The following EXOC2 variants were observed in gnomAD, a reference collection of about 807,000 sequenced individuals.
EXOC2 encodes exocyst complex component 2.
EXOC2 carries 70 observed loss-of-function variants against 131.8 expected under a neutral mutation model. The observed-to-expected ratio is 0.53, with a 90% CI of 0.44 to 0.65. The LOEUF is 0.65. Ranked by LOEUF, EXOC2 falls within the 30% of genes least tolerant of loss-of-function variation. EXOC2 has a pLI of 0.00. For missense variants in EXOC2, 923 were observed against 1,108.6 expected, an observed-to-expected ratio of 0.83 and a Z score of 2.38; for synonymous variants, 411 against 398.4, an observed-to-expected ratio of 1.03 and a Z score of -0.38.
intron 1 of EXOC2, among the ~76,000 whole-genome samples, chr6:641,396 G>A (rs143532784): frequency 4.0e-4 from 61 of 152,044 alleles, no homozygotes; most frequent in African/African-American, 1.3e-3. Context: ...CTCAAACCAC[G>A]CCCTAGTATA....
At chr6:536,045 G>T (rs1430340435) in intron 22 of EXOC2, among the ~76,000 whole-genome samples, 1 of 152,090 alleles carries the variant, frequency 6.6e-6, no homozygotes, top group African/African-American at 2.4e-5. Flanking sequence ...AAGAAAATCA[G>T]CTGTGTAAAG....
intron 19 of EXOC2, among the ~76,000 whole-genome samples, chr6:555,506 T>G (rs1581429294): frequency 6.6e-6 from 1 of 152,176 alleles, no homozygotes; most frequent in African/African-American, 2.4e-5. Context: ...AATAGACAAT[T>G]AGAAGTGCCT....
chr6:568,923 T>A (rs937591040), intron 13 of EXOC2, among the ~76,000 whole-genome samples: 3 of 152,236 alleles, frequency 2.0e-5, no homozygotes, highest in South Asian at 4.1e-4. Flanking sequence ...AGTAATTTTG[T>A]AAAATTCAAG....
intron 11 of EXOC2, among the ~76,000 whole-genome samples, chr6:583,270 A>G (rs1011409564): frequency 6.6e-6 from 1 of 152,200 alleles, no homozygotes; most frequent in Admixed American, 6.5e-5. Flanking sequence ...TTCATCATCA[A>G]AATTTTTTTT....
At chr6:508,563 T>C (rs1344773442) in intron 23 of EXOC2, among the ~76,000 whole-genome samples, 1 of 152,268 alleles carries the variant, frequency 6.6e-6, no homozygotes, top group East Asian at 1.9e-4. Context: ...TTTCAGTTTA[T>C]CTTATTTCAC....
chr6:659,997 G>A (rs981691758), intron 1 of EXOC2, among the ~76,000 whole-genome samples: 1 of 150,202 alleles, frequency 6.7e-6, no homozygotes, highest in African/African-American at 2.5e-5. Flanking sequence ...AGGGCTGTTG[G>A]GGGGGGGACA....
chr6:610,026 C>T, intron 7 of EXOC2, 72 bp downstream of exon 7: 2 of 1,350,366 alleles, frequency 1.5e-6, no homozygotes, highest in Non-Finnish European at 2.1e-6. Context: ...CCCGCGATAT[C>T]AGGTCCAAGA....
At chr6:606,155 A>G in intron 7 of EXOC2, among the ~76,000 whole-genome samples, 1 of 152,224 alleles carries the variant, frequency 6.6e-6, no homozygotes, top group East Asian at 1.9e-4. Flanking sequence ...TTCTCAGCAA[A>G]CTATCACAAG....
chr6:595,903 T>C (rs548018344), intron 10 of EXOC2, among the ~76,000 whole-genome samples: 1 of 152,084 alleles, frequency 6.6e-6, no homozygotes, highest in Non-Finnish European at 1.5e-5. Flanking sequence ...CAGCTTTACA[T>C]TTCTAGGATT....
chr6:639,031 G>A (rs774533748), intron 1 of EXOC2, among the ~76,000 whole-genome samples: 1 of 152,174 alleles, frequency 6.6e-6, no homozygotes, highest in Non-Finnish European at 1.5e-5. Context: ...GAGCAGAACA[G>A]TGAGACTTGC....
chr6:539,693 G>GT (rs1242865791), intron 22 of EXOC2, among the ~76,000 whole-genome samples: 3 of 152,100 alleles, frequency 2.0e-5, no homozygotes, highest in South Asian at 4.1e-4. Context: ...TGATAATAAT[G>GT]TTTTTTAAAA....
chr6:487,046 T>G (rs1368852020), intron 27 of EXOC2, among the ~76,000 whole-genome samples: 1 of 152,242 alleles, frequency 6.6e-6, no homozygotes. Context: ...TGTTTGGGCC[T>G]ATTCTTTTTT....
intron 24 of EXOC2, among the ~76,000 whole-genome samples, chr6:499,178 T>C (rs1763898740): frequency 6.6e-6 from 1 of 152,202 alleles, no homozygotes; most frequent in African/African-American, 2.4e-5. Flanking sequence ...TCTGTTCCAG[T>C]GTCGGCCTGC....
At chr6:502,000 A>T (rs1353285458) in intron 23 of EXOC2, among the ~76,000 whole-genome samples, 1 of 152,094 alleles carries the variant, frequency 6.6e-6, no homozygotes, top group African/African-American at 2.4e-5. Context: ...CGGTGTCCCC[A>T]GACTGCTCCC....
At position 555,256 on chromosome 6, in the gene EXOC2, G is replaced by A; in HGVS notation, c.2025C>T (p.Thr675=). 6.5e-7 allele frequency: 1 copy of A among 1,526,794 alleles called. No homozygotes were observed. The highest frequency in any genetic ancestry group is 8.9e-7 in the Non-Finnish European group (1 of 1,123,672). 94.6% of individuals were successfully genotyped at this position (1,526,794 alleles called of 1,614,324 possible). ...VFIYCLEQLS[T]KPDADIDTTH... ...TAGTATCTATATCTGCATCAGGCTT[G>A]GTGCTCAACTGTTCCAGACAGTATA... The change falls in exon 20 of 28, where the codon ACC becomes ACT. Residue 675 remains threonine, a synonymous_variant. Transcript: ENST00000230449.
intron 1 of EXOC2, among the ~76,000 whole-genome samples, chr6:686,635 G>A (rs1764668617): frequency 1.3e-5 from 2 of 152,156 alleles, no homozygotes; most frequent in South Asian, 4.1e-4. Flanking sequence ...TTACTCAGCT[G>A]TTCTCATAAA....
At chr6:508,122 AT>A (rs1206592548) in intron 23 of EXOC2, among the ~76,000 whole-genome samples, 12 of 152,154 alleles carry the variant, frequency 7.9e-5, no homozygotes, top group Admixed American at 5.9e-4. Flanking sequence ...ATCTATAACA[AT>A]TTTTTAATTG....
intron 23 of EXOC2, among the ~76,000 whole-genome samples, chr6:518,743 T>C (rs987069490): frequency 6.6e-6 from 1 of 152,192 alleles, no homozygotes; most frequent in Admixed American, 6.5e-5. Context: ...TTAATGAAAC[T>C]GTTGTTTTCT....
intron 1 of EXOC2, chr6:679,599 G>A (rs1287755804): frequency 6.6e-6 from 1 of 152,072 alleles, no homozygotes; most frequent in Non-Finnish European, 1.5e-5. Flanking sequence ...AGTGAACAAT[G>A]ACTAAAATAA....
Sources: gnomAD v4.1 joint callset for allele counts (sites outside exome capture counted in the v4.1 genomes callset) on GRCh38, gnomAD v4.1.1 for gene constraint, MANE v1.5 for transcripts, NCBI Gene and HGNC (gene_info 2026-07-23, HGNC 2026-07-21) for gene names.